The following CHST2 variants were observed in gnomAD, a reference collection of about 807,000 sequenced individuals.
CHST2 encodes carbohydrate sulfotransferase 2, also known as N-acetylglucosamine 6-O-sulfotransferase 1.
A neutral mutation model predicts 34.6 loss-of-function variants in CHST2; 23 were observed. The observed-to-expected ratio is 0.67, with a 90% CI of 0.48 to 0.94. The LOEUF is 0.94. CHST2 is among the 40% of genes least tolerant of loss of function. The pLI is 0.00. For synonymous variants in CHST2, 392 were observed against 343.1 expected (o/e 1.14, Z -1.58); for missense variants, 720 against 759.5 (o/e 0.95, Z 0.61).
chr3:143,121,178 AC>A lies in CHST2; in HGVS notation c.364del (p.Leu122SerfsTer99). The A allele has an allele frequency of 6.6e-7, 1 of 1,523,592 alleles. No homozygotes were observed. Among genetic ancestry groups the A allele is most frequent in the Non-Finnish European group, 8.7e-7 (1 of 1,143,768 alleles). 94.4% of individuals were successfully genotyped at this position (1,523,592 alleles called of 1,614,324 possible). A position where few individuals can be genotyped will look rare whatever the true frequency, so the allele number is the denominator to read the frequency against. On this transcript the variant is annotated frameshift_variant, in exon 2 of 2. Coordinates refer to ENST00000309575, the MANE Select transcript of CHST2 (RefSeq NM_004267.5). LOFTEE classifies it high-confidence loss of function. ...AGPPRAHARL[D>X]LRTPYRPPAA... ...CCGCCCCGTGCTCATGCCCGTTTGGACCTCCGCACTCCTTACCGCCCTCCCG... is the reference window on the plus strand; with the variant it reads ...CCGCCCCGTGCTCATGCCCGTTTGGACTCCGCACTCCTTACCGCCCTCCCG...
In CHST2 at chr3:143,121,059, G is replaced by A. The variant is rs1431134774; in HGVS notation, c.243G>A (p.Glu81=). 6 of 1,521,730 alleles carry A rather than the reference G, an allele frequency of 3.9e-6. No individual in the cohort carries two copies. The highest frequency in any genetic ancestry group is 2.1e-5 in the Admixed American group (1 of 47,726). The allele number at this position is 1,521,730 out of a possible 1,614,324, so 94.3% of individuals were successfully genotyped here. The change falls in exon 2 of 2, where the codon GAG becomes GAA. Residue 81 remains glutamate (E), a synonymous_variant. Coordinates refer to ENST00000309575, the MANE Select transcript of CHST2 (RefSeq NM_004267.5). The stretch of plus-strand genomic sequence containing the variant: ...TCCTGGACTACAAGTGGCACAAGGA[G>A]CCGCTGCAGCAGTGCAACCCCGATG... The part of the protein sequence containing the change: ...LNLLDYKWHK[E]PLQQCNPDGP...
rs776607509 is a variant in CHST2, at chr3:143,121,961, G to A, written c.1145G>A (p.Gly382Asp). 5.0e-6 allele frequency: 8 copies of A among 1,585,750 alleles called. No individual in the cohort carries two copies. Among genetic ancestry groups the A allele is most frequent in the Admixed American group, 3.6e-5 (2 of 55,580 alleles). The stretch of plus-strand genomic sequence containing the variant: ...CACAAGCTTGGCGCCAAGAAGGAGG[G>A]CGTGGGCGGCCCCGCAGACTACCAC... ...AGHKLGAKKE[G>D]VGGPADYHAL... The change falls in exon 2 of 2, where the codon GGC becomes GAC. Residue 382 changes from glycine to aspartate, a missense_variant. Physicochemically the swap from Gly to Asp is moderately conservative, Grantham distance 94. Transcript: ENST00000309575.
Position 143,121,690 on chromosome 3 carries a change from G to C in CHST2, c.874G>C (p.Glu292Gln). Residue 292 changes from glutamate (E) to glutamine (Q), a missense_variant, in exon 2 of 2, where the codon GAG becomes CAG. Physicochemically the swap from Glu to Gln is conservative, Grantham distance 29 (BLOSUM62 2). Coordinates refer to ENST00000309575, the MANE Select transcript of CHST2 (RefSeq NM_004267.5). ...CCCGCCACAGCGCCTGGCGCGTTTC[G>C]AGGAGGAGTGCCGCAAGTACCGCAC... ...KCPPQRLARF[E>Q]EECRKYRTLV... The C allele has an allele frequency of 1.3e-6, 2 of 1,580,132 alleles. No individual in the cohort carries two copies. The highest frequency in any genetic ancestry group is 1.7e-6 in the Non-Finnish European group (2 of 1,158,882).
At position 143,123,401 on chromosome 3, in the gene CHST2, TA is replaced by T. The variant is rs762087086; in HGVS notation, c.*996del. ...ATTTTTAAAAAAAGTATGTAATTTT[TA>T]AAAGTTCTGATGATTAGAACACAGA... On this transcript the variant is annotated 3_prime_UTR_variant, in exon 2 of 2. Transcript: ENST00000309575. 8.5e-5 allele frequency: 13 copies of T among 152,218 alleles called. No individual in the cohort carries two copies. The highest frequency in any genetic ancestry group is 1.5e-4 in the Non-Finnish European group (10 of 68,036). 9.4% of individuals were successfully genotyped at this position (152,218 alleles called of 1,614,324 possible).
rs762254870 is a variant in CHST2, at chr3:143,122,329, G to A, written c.1513G>A (p.Val505Ile). Residue 505 changes from valine (V) to isoleucine (I), a missense_variant, in exon 2 of 2, where the codon GTC (valine) becomes ATC (isoleucine). By Grantham distance (29) the Val-to-Ile change is conservative. Transcript: ENST00000309575. ...GGAGTTTTGCTACCAGCCCATGGCC[G>A]TCCTGGGCTATGAGCGGGTCAACAG... ...VEEFCYQPMA[V>I]LGYERVNSPE... 1.2e-5 allele frequency: 20 copies of A among 1,613,916 alleles called. No homozygotes were observed. The Admixed American group carries it at 1.7e-4, about 13-fold the overall frequency.
chr3:143,120,544 G>A lies in CHST2; in HGVS notation c.-174+3G>A. ...CCCGGGCGCGCCCTCGGCTCCAGGT[G>A]AGCGGAGGAACCGGGCAGAACCGAG... is the stretch of plus-strand genomic sequence containing the variant. On this transcript the variant is annotated splice_donor_region_variant and intron_variant, in intron 1 of 1. Transcript: ENST00000309575. This position sits in a 1 kb window ranked among gnomAD's most constrained non-coding sequence, Gnocchi z 4.1. 4.3e-6 allele frequency: 1 copy of A among 230,072 alleles called. No individual in the cohort carries two copies. Among genetic ancestry groups the A allele is most frequent in the Non-Finnish European group, 8.3e-6 (1 of 120,190 alleles). The allele number at this position is 230,072 out of a possible 1,614,324, so 14.3% of individuals were successfully genotyped here. A position where few individuals can be genotyped will look rare whatever the true frequency, so the allele number is the denominator to read the frequency against.
In CHST2 at chr3:143,122,292, C is replaced by G. The variant is rs774231772; in HGVS notation, c.1476C>G (p.Ile492Met). 1.2e-6 allele frequency: 2 copies of G among 1,614,152 alleles called. No homozygotes were observed. Among genetic ancestry groups the G allele is most frequent in the South Asian group, 1.1e-5 (1 of 91,086 alleles). Residue 492 changes from isoleucine to methionine, a missense_variant, in exon 2 of 2, where the codon ATC becomes ATG. By Grantham distance (10) the Ile-to-Met change is conservative. This residue lies in a region of CHST2 where 224 missense variants were observed against 227.8 expected (regional missense o/e 0.98). Coordinates refer to ENST00000309575, the MANE Select transcript of CHST2 (RefSeq NM_004267.5). ...AWRTALTFQQ[I>M]KQVEEFCYQP... is the part of the protein sequence containing the mutation. ...GGACCGCCCTCACCTTCCAGCAGAT[C>G]AAACAGGTGGAGGAGTTTTGCTACC...
In CHST2 at chr3:143,121,353, C is replaced by T; in HGVS notation, c.537C>T (p.Phe179=). 1 of 1,613,630 alleles carries T rather than the reference C, an allele frequency of 6.2e-7. No homozygotes were observed. Among genetic ancestry groups the T allele is most frequent in the Non-Finnish European group, 8.5e-7 (1 of 1,180,022 alleles). ...VFTTWRSGSS[F]FGELFNQNPE... is the part of the protein sequence containing the mutation. ...CCACGTGGCGCTCTGGCTCGTCGTTCTTCGGCGAGCTATTCAACCAGAATC... is the reference window on the plus strand; with the variant it reads ...CCACGTGGCGCTCTGGCTCGTCGTTTTTCGGCGAGCTATTCAACCAGAATC... The change falls in exon 2 of 2, where the codon TTC becomes TTT. Residue 179 remains phenylalanine, a synonymous_variant. Coordinates refer to ENST00000309575, the MANE Select transcript of CHST2 (RefSeq NM_004267.5).
chr3:143,123,092 G>C lies in CHST2; in HGVS notation c.*683G>C, dbSNP rs1936253730. On this transcript the variant is annotated 3_prime_UTR_variant, in exon 2 of 2. Transcript: ENST00000309575. ...TTCCTGAAAGGCAGCTAAACTGGGT[G>C]GGAGCAATTTTTGCCTCCTTGGTAA... 1.3e-5 allele frequency: 2 copies of C among 159,192 alleles called. No homozygotes were observed. The highest frequency in any genetic ancestry group is 4.8e-5 in the African/African-American group (2 of 41,438). The allele number at this position is 159,192 out of a possible 1,614,324, so 9.9% of individuals were successfully genotyped here.
chr3:143,121,311 G>C lies in CHST2; in HGVS notation c.495G>C (p.Gln165His), dbSNP rs151299816. Residue 165 changes from glutamine to histidine, a missense_variant, in exon 2 of 2, where the codon CAG becomes CAC. Gln to His is a conservative substitution (Grantham distance 24). Transcript: ENST00000309575. ...CCGGGGGCGTCGGGGACAAGCGGCA[G>C]CTGGTGTACGTGTTCACCACGTGGC... The part of the protein sequence containing the change: ...RGTGGVGDKR[Q>H]LVYVFTTWRS... The C allele has an allele frequency of 1.2e-6, 2 of 1,613,038 alleles. No homozygotes were observed. The highest frequency in any genetic ancestry group is 8.5e-7 in the Non-Finnish European group (1 of 1,179,904).
Position 143,120,949 on chromosome 3 carries a change from CCT to C in CHST2, c.137_138del (p.Leu46ArgfsTer7). The C allele has an allele frequency of 1.3e-6, 2 of 1,534,914 alleles. No individual in the cohort carries two copies. The highest frequency in any genetic ancestry group is 1.8e-6 in the Non-Finnish European group (2 of 1,142,178). On this transcript the variant is annotated frameshift_variant, in exon 2 of 2. Coordinates refer to ENST00000309575, the MANE Select transcript of CHST2 (RefSeq NM_004267.5). LOFTEE classifies it high-confidence loss of function. This position sits in a 1 kb window ranked among gnomAD's most constrained non-coding sequence, Gnocchi z 4.1. ...RRPGRRWPAS[P>X]LGMKVFRRKA... ...CCCAGGACGCCGCTGGCCCGCGTCC[CCT>C]CTCGGAATGAAGGTGTTCCGTAGGA...
rs1206072563 is a variant in CHST2, at chr3:143,120,800, C to T, written c.-17C>T. 1 of 1,236,582 alleles carries T rather than the reference C, an allele frequency of 8.1e-7. No individual in the cohort carries two copies. Among genetic ancestry groups the T allele is most frequent in the Non-Finnish European group, 1.0e-6 (1 of 993,348 alleles). 76.6% of individuals were successfully genotyped at this position (1,236,582 alleles called of 1,614,324 possible). ...AGGGCTGCCTCCGCCGCGCCGCCGG[C>T]CCGGATTGTGCCTGTGATGAGCCGC... is the stretch of plus-strand genomic sequence containing the variant. On this transcript the variant is annotated 5_prime_UTR_variant, in exon 2 of 2. Coordinates refer to ENST00000309575, the MANE Select transcript of CHST2 (RefSeq NM_004267.5). The surrounding 1 kb of genome is among the most constrained non-coding windows in gnomAD (Gnocchi z 4.1).
rs1358125649 is a variant in CHST2 at position 143,120,720 on chromosome 3, G to C, written c.-97G>C. On this transcript the variant is annotated 5_prime_UTR_variant, in exon 2 of 2. Transcript: ENST00000309575. This position sits in a 1 kb window ranked among gnomAD's most constrained non-coding sequence, Gnocchi z 4.1. ...CAGCCGCCGCGCCCGCCTCGGAGTCGCGGCCCGAGTCCCGGCGCCAGCAGC... is the reference window on the plus strand; with the variant it reads ...CAGCCGCCGCGCCCGCCTCGGAGTCCCGGCCCGAGTCCCGGCGCCAGCAGC... 2 of 1,128,788 alleles carry C rather than the reference G, an allele frequency of 1.8e-6. No homozygotes were observed. The highest frequency in any genetic ancestry group is 1.6e-5 in the African/African-American group (1 of 61,122). The allele number at this position is 1,128,788 out of a possible 1,614,324, so 69.9% of individuals were successfully genotyped here.
chr3:143,121,951 A>G lies in CHST2; in HGVS notation c.1135A>G (p.Lys379Glu), dbSNP rs376481222. The change falls in exon 2 of 2, where the codon AAG (lysine) becomes GAG (glutamate). Residue 379 changes from lysine to glutamate, a missense_variant. Coordinates refer to ENST00000309575, the MANE Select transcript of CHST2 (RefSeq NM_004267.5). ...GGCCGCGGGCCACAAGCTTGGCGCC[A>G]AGAAGGAGGGCGTGGGCGGCCCCGC... is the stretch of plus-strand genomic sequence containing the variant. ...LEAAGHKLGA[K>E]KEGVGGPADY... is the part of the protein sequence containing the mutation. 9.5e-6 allele frequency: 15 copies of G among 1,581,562 alleles called. No individual in the cohort carries two copies. The highest frequency in any genetic ancestry group is 1.3e-5 in the Non-Finnish European group (15 of 1,163,898).
At position 143,120,879 on chromosome 3, in the gene CHST2, G is replaced by T; in HGVS notation, c.63G>T (p.Ala21=). The T allele has an allele frequency of 9.7e-6, 14 of 1,449,586 alleles. No homozygotes were observed. Among genetic ancestry groups the T allele is most frequent in the East Asian group, 3.0e-5 (1 of 33,046 alleles). The allele number at this position is 1,449,586 out of a possible 1,614,324, so 89.8% of individuals were successfully genotyped here. The change falls in exon 2 of 2, where the codon GCG becomes GCT. Residue 21 remains alanine, a synonymous_variant. Transcript: ENST00000309575. This position sits in a 1 kb window ranked among gnomAD's most constrained non-coding sequence, Gnocchi z 4.1. ...PGALPRLLQA[A]PAAAPRALLP... ...CGCTCCCTCGGCTGCTCCAGGCTGCGCCTGCAGCCGCGCCGCGTGCCCTGC... is the reference window on the plus strand; with the variant it reads ...CGCTCCCTCGGCTGCTCCAGGCTGCTCCTGCAGCCGCGCCGCGTGCCCTGC...
chr3:143,121,970 G>GC lies in CHST2; in HGVS notation c.1158dup (p.Ala387ArgfsTer15). 1 of 1,590,980 alleles carries GC rather than the reference G, an allele frequency of 6.3e-7. No homozygotes were observed. The highest frequency in any genetic ancestry group is 8.6e-7 in the Non-Finnish European group (1 of 1,169,118). ...GGCGCCAAGAAGGAGGGCGTGGGCG[G>GC]CCCCGCAGACTACCACGCTCTGGGC... On this transcript the variant is annotated frameshift_variant, in exon 2 of 2. Coordinates refer to ENST00000309575, the MANE Select transcript of CHST2 (RefSeq NM_004267.5). LOFTEE classifies it high-confidence loss of function.
Position 143,122,487 on chromosome 3 carries a change from C to T in CHST2, c.*78C>T. 1 of 1,372,232 alleles carries T rather than the reference C, an allele frequency of 7.3e-7. No individual in the cohort carries two copies. Among genetic ancestry groups the T allele is most frequent in the Non-Finnish European group, 9.7e-7 (1 of 1,029,402 alleles). 85.0% of individuals were successfully genotyped at this position (1,372,232 alleles called of 1,614,324 possible). On this transcript the variant is annotated 3_prime_UTR_variant, in exon 2 of 2. Transcript: ENST00000309575. ...GTAGTGTGTTTAAATAAACACAGTCCAGACTCAAACGGAGGAAGCCCACAT... is the reference window on the plus strand; with the variant it reads ...GTAGTGTGTTTAAATAAACACAGTCTAGACTCAAACGGAGGAAGCCCACAT...
In CHST2 at chr3:143,120,731, C is replaced by T. The variant is rs1436456824; in HGVS notation, c.-86C>T. 3 of 1,163,908 alleles carry T rather than the reference C, an allele frequency of 2.6e-6. No individual in the cohort carries two copies. In the African/African-American group the frequency reaches 4.8e-5, roughly 19 times the overall value. The allele number at this position is 1,163,908 out of a possible 1,614,324, so 72.1% of individuals were successfully genotyped here. Reference sequence around the variant, plus strand: ...CCCGCCTCGGAGTCGCGGCCCGAGTCCCGGCGCCAGCAGCCAGCCCGCTGC... The same window carrying T: ...CCCGCCTCGGAGTCGCGGCCCGAGTTCCGGCGCCAGCAGCCAGCCCGCTGC... On this transcript the variant is annotated 5_prime_UTR_variant, in exon 2 of 2. Coordinates refer to ENST00000309575, the MANE Select transcript of CHST2 (RefSeq NM_004267.5). The surrounding 1 kb of genome is among the most constrained non-coding windows in gnomAD (Gnocchi z 4.1).
chr3:143,120,727 G>A lies in CHST2; in HGVS notation c.-90G>A. The stretch of plus-strand genomic sequence containing the variant: ...CGCGCCCGCCTCGGAGTCGCGGCCC[G>A]AGTCCCGGCGCCAGCAGCCAGCCCG... On this transcript the variant is annotated 5_prime_UTR_variant, in exon 2 of 2. Coordinates refer to ENST00000309575, the MANE Select transcript of CHST2 (RefSeq NM_004267.5). This position sits in a 1 kb window ranked among gnomAD's most constrained non-coding sequence, Gnocchi z 4.1. 8.7e-7 allele frequency: 1 copy of A among 1,152,486 alleles called. No individual in the cohort carries two copies. The highest frequency in any genetic ancestry group is 1.1e-6 in the Non-Finnish European group (1 of 930,384). The allele number at this position is 1,152,486 out of a possible 1,614,324, so 71.4% of individuals were successfully genotyped here. A position where few individuals can be genotyped will look rare whatever the true frequency, so the allele number is the denominator to read the frequency against.
Sources: gnomAD v4.1 joint callset for allele counts on GRCh38, gnomAD v4.1.1 for gene constraint, gnomAD v4.1.1 regional missense constraint, Gnocchi (gnomAD v3.1) non-coding constraint, MANE v1.5 for transcripts, NCBI Gene and HGNC (gene_info 2026-07-23, HGNC 2026-07-21) for gene names.